MAP4: variants seen among roughly 807,000 people sequenced by gnomAD.
MAP4 encodes microtubule-associated protein 4.
Under a neutral mutation model 170.2 loss-of-function variants are expected in MAP4, and 76 were observed. The observed-to-expected ratio is 0.45, with a 90% confidence interval of 0.37 to 0.54. The LOEUF (loss-of-function observed/expected upper bound fraction) is 0.54. MAP4 is among the 20% of genes least tolerant of loss of function. MAP4 has a pLI of 0.00. For missense variants in MAP4, 2,506 were observed against 2,748.0 expected (o/e 0.91, Z 1.97); for synonymous variants, 909 against 994.5 (o/e 0.91, Z 1.62).
intron 19 of MAP4, among the ~76,000 whole-genome samples, chr3:47,853,993 CAGAGA>C (rs1335869006): frequency 3.3e-5 from 5 of 152,146 alleles, no homozygotes; most frequent in Non-Finnish European, 7.3e-5. Flanking sequence ...GTGAGGAAGG[CAGAGA>C]AGAGAGAACA....
In MAP4 at chr3:47,998,618, A is replaced by G. The variant is rs772304563; in HGVS notation, c.223+20T>C. The G allele has an allele frequency of 6.4e-7, 1 of 1,569,964 alleles. No homozygotes were observed. The highest frequency in any genetic ancestry group is 2.2e-5 in the East Asian group (1 of 44,664). On this transcript the variant is annotated intron_variant, in intron 2 of 20. Transcript: ENST00000683076. ...ACCTGCTTTCTGAACATATATAAGC[A>G]GTCTGGTTTAAATACTTACCTTCAA...
At chr3:47,945,879 T>C (rs1380263259) in intron 3 of MAP4, among the ~76,000 whole-genome samples, 1 of 151,576 alleles carries the variant, frequency 6.6e-6, no homozygotes, top group African/African-American at 2.4e-5. Context: ...ACCCAGCTAA[T>C]TTTTTGTATT....
intron 18 of MAP4, among the ~76,000 whole-genome samples, chr3:47,857,000 G>C (rs1205132620): frequency 6.6e-6 from 1 of 152,248 alleles, no homozygotes; most frequent in Non-Finnish European, 1.5e-5. Context: ...TCTCCTGCCA[G>C]GGCTAGCGGC....
intron 1 of MAP4, among the ~76,000 whole-genome samples, chr3:48,012,968 G>A (rs2100106046): frequency 3.7e-5 from 1 of 27,012 alleles, no homozygotes; most frequent in African/African-American, 6.9e-5. Flanking sequence ...TTAAAGTACT[G>A]TTGTTTTTTT....
intron 3 of MAP4, among the ~76,000 whole-genome samples, chr3:47,944,949 C>CTTT (rs35189919): frequency 3.1e-5 from 4 of 127,136 alleles, no homozygotes; most frequent in Non-Finnish European, 3.4e-5. Flanking sequence ...AAAAAGGAAC[C>CTTT]TTTTTTTTTT....
intron 3 of MAP4, among the ~76,000 whole-genome samples, chr3:47,939,134 C>T (rs374290403): frequency 6.6e-6 from 1 of 152,306 alleles, no homozygotes; most frequent in East Asian, 1.9e-4. Context: ...TGATCCAATT[C>T]CAAAGCCACC....
chr3:47,917,153 T>A lies in MAP4; in HGVS notation c.674A>T (p.Glu225Val), dbSNP rs778795182. The A allele has an allele frequency of 1.5e-5, 25 of 1,613,778 alleles. No individual in the cohort carries two copies. Among genetic ancestry groups the A allele is most frequent in the Non-Finnish European group, 2.1e-5 (25 of 1,179,840 alleles). ...CCTCTCTTCTGATGCCATTTCTATCTCCTTGGCTAGCTCTAAGGGAACTAA... is the reference window on the plus strand; with the variant it reads ...CCTCTCTTCTGATGCCATTTCTATCACCTTGGCTAGCTCTAAGGGAACTAA... ...PTAVPLELAK[E>V]IEMASEERPP... Residue 225 changes from glutamate to valine, a missense_variant, in exon 7 of 21, where the codon GAG (glutamate) becomes GTG (valine). Physicochemically the swap from Glu to Val is moderately radical, Grantham distance 121 (BLOSUM62 -2). Coordinates refer to ENST00000683076, the MANE Select transcript of MAP4 (RefSeq NM_001385682.1).
chr3:47,915,411 C>T (rs907868091), intron 7 of MAP4, among the ~76,000 whole-genome samples: 7 of 151,962 alleles, frequency 4.6e-5, no homozygotes, highest in African/African-American at 1.5e-4. Flanking sequence ...CCACCATGCC[C>T]GGTCAATGTT....
At chr3:48,086,167 C>A (rs2100148926) in intron 1 of MAP4, among the ~76,000 whole-genome samples, 1 of 151,878 alleles carries the variant, frequency 6.6e-6, no homozygotes, top group South Asian at 2.1e-4. Context: ...CACACACACA[C>A]ACACAAATTA....
chr3:47,870,946 GT>G lies in MAP4; in HGVS notation c.6160del (p.Thr2054ProfsTer24). ...STTPFIDKKPTSAKPSSTTPR... is the reference protein window; with the variant it reads ...STTPFIDKKPXSAKPSSTTPR... ...GGTGGTGGAGCTGGGTTTGGCCGAG[GT>G]GGGCTTCTTGTCTATGAAAGGAGTT... On this transcript the variant is annotated frameshift_variant, in exon 15 of 21. Transcript: ENST00000683076. LOFTEE classifies it high-confidence loss of function. The G allele has an allele frequency of 1.2e-6, 2 of 1,614,142 alleles. No homozygotes were observed. Among genetic ancestry groups the G allele is most frequent in the Non-Finnish European group, 1.7e-6 (2 of 1,179,978 alleles).
chr3:47,880,612 C>T (rs1158537860), intron 10 of MAP4, among the ~76,000 whole-genome samples: 6 of 151,774 alleles, frequency 4.0e-5, no homozygotes, highest in African/African-American at 9.7e-5. Context: ...ACTACTGGTA[C>T]GTGCCACCAT....
chr3:47,945,629 A>G (rs928015371), intron 3 of MAP4, among the ~76,000 whole-genome samples: 53 of 152,064 alleles, frequency 3.5e-4, no homozygotes, highest in African/African-American at 1.2e-3. Context: ...AAAAGATGCA[A>G]TCTACAAATT....
intron 2 of MAP4, among the ~76,000 whole-genome samples, chr3:47,991,687 G>A (rs548648744): frequency 4.6e-4 from 70 of 150,800 alleles, no homozygotes; most frequent in East Asian, 1.9e-4. Flanking sequence ...TTTTTGAGAC[G>A]GAATTTCGCT....
At chr3:47,870,551 A>G (rs2089806460) in intron 15 of MAP4, among the ~76,000 whole-genome samples, 1 of 152,150 alleles carries the variant, frequency 6.6e-6, no homozygotes, top group Admixed American at 6.5e-5. Context: ...TTTACATCCA[A>G]GCAAAAATGT....
At chr3:48,002,449 C>T (rs1027030993) in intron 1 of MAP4, among the ~76,000 whole-genome samples, 3 of 151,944 alleles carry the variant, frequency 2.0e-5, no homozygotes, top group Non-Finnish European at 2.9e-5. Context: ...ATAGTCCTAG[C>T]TACTCAGGAA....
chr3:47,910,627 G>A lies in MAP4; in HGVS notation c.3794C>T (p.Pro1265Leu). The A allele has an allele frequency of 6.5e-7, 1 of 1,536,040 alleles. No individual in the cohort carries two copies. Among genetic ancestry groups the A allele is most frequent in the African/African-American group, 1.4e-5 (1 of 73,120 alleles). The change falls in exon 9 of 21, where the codon CCC becomes CTC. Residue 1265 changes from proline (P) to leucine (L), a missense_variant. Around this residue, in one of 3 missense-constraint regions of MAP4, gnomAD observed 2,008 missense variants for 2,206.0 expected, o/e 0.91. Transcript: ENST00000683076. ...TGAGAACGAAGAATCATGCATTTTG[G>A]GGAAAGTAAATCCTATTTCCTTGCT... ...HKSKEIGFTF[P>L]KMHDSSFSHT...
Position 47,855,219 on chromosome 3 carries a change from CTGTGTCTCCCCAGT to C in MAP4, c.6696+15_6696+28del. 6.6e-7 allele frequency: 1 copy of C among 1,517,882 alleles called. No homozygotes were observed. The highest frequency in any genetic ancestry group is 1.1e-5 in the South Asian group (1 of 89,076). 94.0% of individuals were successfully genotyped at this position (1,517,882 alleles called of 1,614,324 possible). On this transcript the variant is annotated intron_variant, in intron 19 of 20. Transcript: ENST00000683076. The surrounding 1 kb of genome is among the most constrained non-coding windows in gnomAD (Gnocchi z 5.1). ...CTGCATAGTTCCCACCCCTCCCCAG[CTGTGTCTCCCCAGT>C]GACCCACTCGCTACCTTCACAGCAC... is the stretch of plus-strand genomic sequence containing the variant.
chr3:48,027,160 A>T (rs1157266578), intron 1 of MAP4, among the ~76,000 whole-genome samples: 1 of 152,230 alleles, frequency 6.6e-6, no homozygotes, highest in Non-Finnish European at 1.5e-5. Flanking sequence ...GAAGTCTCCA[A>T]CTCATAAATG....
At chr3:47,947,804 CAA>C (rs554803000) in intron 3 of MAP4, among the ~76,000 whole-genome samples, 6 of 50,376 alleles carry the variant, frequency 1.2e-4, no homozygotes, top group Non-Finnish European at 2.1e-4. Flanking sequence ...GAGAGAGTCT[CAA>C]AAAAAAAAAA....
Sources: allele counts gnomAD v4.1 joint callset (sites outside exome capture counted in the v4.1 genomes callset), GRCh38; gene constraint gnomAD v4.1.1; regional missense constraint gnomAD v4.1.1; non-coding constraint Gnocchi (gnomAD v3.1); transcripts MANE v1.5; gene names NCBI Gene and HGNC (gene_info 2026-07-23, HGNC 2026-07-21).